SLC30A5: variants seen among roughly 807,000 people sequenced by gnomAD.
The protein encoded by SLC30A5 is solute carrier family 30 member 5, also known as proton-coupled zinc antiporter SLC30A5.
Under a neutral mutation model 79.6 loss-of-function variants are expected in SLC30A5, and 33 were observed. That is an observed-to-expected ratio of 0.41 (90% CI 0.31 to 0.55). The LOEUF (loss-of-function observed/expected upper bound fraction) is 0.55. Ranked by LOEUF, SLC30A5 falls within the 20% of genes least tolerant of loss-of-function variation. The pLI is 0.20. For synonymous variants in SLC30A5, 299 were observed against 319.7 expected, an observed-to-expected ratio of 0.94 and a Z score of 0.69; for missense variants, 788 against 928.1, an observed-to-expected ratio of 0.85 and a Z score of 1.96.
intron 1 of SLC30A5, among the ~76,000 whole-genome samples, chr5:69,095,169 A>G (rs1222603350): frequency 6.6e-6 from 1 of 151,262 alleles, no homozygotes; most frequent in Non-Finnish European, 1.5e-5. Context: ...AATTCTTTAG[A>G]ACTGTAGTAA....
chr5:69,126,671 G>A (rs1746698156), intron 14 of SLC30A5, among the ~76,000 whole-genome samples: 1 of 151,910 alleles, frequency 6.6e-6, no homozygotes, highest in African/African-American at 2.4e-5. Flanking sequence ...TCGGGAGGCT[G>A]AGGCAGAAGA....
At chr5:69,097,910 C>T (rs16898486) in intron 1 of SLC30A5, among the ~76,000 whole-genome samples, 1 of 151,880 alleles carries the variant, frequency 6.6e-6, no homozygotes, top group East Asian at 1.9e-4. Context: ...GCTAAGTAAC[C>T]TATATTGATA....
chr5:69,101,929 C>T (rs925440665), intron 2 of SLC30A5, among the ~76,000 whole-genome samples: 1 of 150,068 alleles, frequency 6.7e-6, no homozygotes, highest in Non-Finnish European at 1.5e-5. Context: ...TGCACTCCAG[C>T]CTGGGCAACA....
chr5:69,094,228 G>A lies in SLC30A5; in HGVS notation c.-28G>A, dbSNP rs1745649631. On this transcript the variant is annotated 5_prime_UTR_variant, in exon 1 of 16. Transcript: ENST00000396591. ...GACATGAGGAGACCCCGCGACAGGG[G>A]CAGCGGCGGCGGCTCGTGAGCCCCG... The A allele has an allele frequency of 8.7e-7, 1 of 1,146,846 alleles. No individual in the cohort carries two copies. Among genetic ancestry groups the A allele is most frequent in the Non-Finnish European group, 1.1e-6 (1 of 893,104 alleles). The allele number at this position is 1,146,846 out of a possible 1,614,324, so 71.0% of individuals were successfully genotyped here.
rs1351568851 is a variant in SLC30A5, at chr5:69,121,717, A to G, written c.1593A>G (p.Ile531Met). Residue 531 changes from isoleucine (I) to methionine (M), a missense_variant, in exon 13 of 16, where the codon ATA (isoleucine) becomes ATG (methionine). Ile to Met is a conservative substitution (Grantham distance 10). Around this residue, in one of 3 missense-constraint regions of SLC30A5, gnomAD observed 626 missense variants for 755.5 expected, o/e 0.83. Coordinates refer to ENST00000396591, the MANE Select transcript of SLC30A5 (RefSeq NM_022902.5). ...AGCCAGTCTCAGTTGGAGGGCTGAT[A>G]GTAAACCTTATTGGTATCTGTGCCT... ...MLTPVSVGGL[I>M]VNLIGICAFS... 2 of 1,613,278 alleles carry G rather than the reference A, an allele frequency of 1.2e-6. No individual in the cohort carries two copies. The highest frequency in any genetic ancestry group is 3.3e-5 in the Admixed American group (2 of 59,860).
intron 15 of SLC30A5, among the ~76,000 whole-genome samples, chr5:69,128,558 G>T (rs994035898): frequency 6.6e-6 from 1 of 151,922 alleles, no homozygotes; most frequent in Non-Finnish European, 1.5e-5. Context: ...ATCATGCCCG[G>T]CCTAATCTTC....
At position 69,094,249 on chromosome 5, in the gene SLC30A5, C is replaced by T; in HGVS notation, c.-7C>T. On this transcript the variant is annotated 5_prime_UTR_variant, in exon 1 of 16. Transcript: ENST00000396591. ...AGGGGCAGCGGCGGCGGCTCGTGAG[C>T]CCCGGGATGGAGGAGAAATACGGCG... is the stretch of plus-strand genomic sequence containing the variant. The T allele has an allele frequency of 1.6e-6, 2 of 1,236,506 alleles. No individual in the cohort carries two copies. The highest frequency in any genetic ancestry group is 1.6e-5 in the African/African-American group (1 of 64,162). The allele number at this position is 1,236,506 out of a possible 1,614,324, so 76.6% of individuals were successfully genotyped here. A position where few individuals can be genotyped will look rare whatever the true frequency, so the allele number is the denominator to read the frequency against.
At chr5:69,104,372 C>T in intron 3 of SLC30A5, 1 of 824,450 alleles carries the variant, frequency 1.2e-6, no homozygotes, top group Non-Finnish European at 1.6e-6. Flanking sequence ...GAACTCCTGA[C>T]CTCAGGTGAT....
chr5:69,129,097 T>G (rs1311613028), intron 15 of SLC30A5, among the ~76,000 whole-genome samples: 1 of 152,200 alleles, frequency 6.6e-6, no homozygotes, highest in Admixed American at 6.6e-5. Context: ...CCTGGGCCAC[T>G]GTGCCTGGCC....
rs563104710 is a variant in SLC30A5, at chr5:69,124,323, G to A, written c.1998+898G>A. Among the ~76,000 whole-genome samples the A allele has an allele frequency of 1.1e-4, 16 of 152,014 alleles. No homozygotes were observed. In the South Asian group the frequency reaches 1.2e-3, roughly 12 times the overall value. On this transcript the variant is annotated intron_variant, in intron 14 of 15. Coordinates refer to ENST00000396591, the MANE Select transcript of SLC30A5 (RefSeq NM_022902.5). Reference sequence around the variant, plus strand: ...TAAATGAAGAATTATGGTATGTAATGTAAAAGAAGAAATAAAAATAGGTTG... The same window carrying A: ...TAAATGAAGAATTATGGTATGTAATATAAAAGAAGAAATAAAAATAGGTTG...
In SLC30A5 at chr5:69,120,017, C is replaced by CAA. The variant is rs35168466; in HGVS notation, c.1569+1408_1569+1409dup. Among the ~76,000 whole-genome samples the CAA allele has an allele frequency of 6.9e-3, 439 of 63,964 alleles. 12 individuals carry two copies. The highest frequency in any genetic ancestry group is 0.017 in the African/African-American group (252 of 14,626). 42.0% of individuals were successfully genotyped at this position (63,964 alleles called of 152,430 possible). On this transcript the variant is annotated intron_variant, in intron 12 of 15. Coordinates refer to ENST00000396591, the MANE Select transcript of SLC30A5 (RefSeq NM_022902.5). ...CCTGGGTGATAGAGAGACTCTGCCT[C>CAA]AAAAAAAAAAAAAAAAAAAAGTAGT...
chr5:69,108,495 C>T, intron 5 of SLC30A5, 59 bp downstream of exon 5: 1 of 1,215,904 alleles, frequency 8.2e-7, no homozygotes. Flanking sequence ...ACATATTATC[C>T]AAAGGAATAA....
intron 14 of SLC30A5, among the ~76,000 whole-genome samples, chr5:69,126,889 A>C (rs1162626501): frequency 2.0e-5 from 3 of 151,504 alleles, no homozygotes; most frequent in Non-Finnish European, 4.4e-5. Context: ...AAAAAAAATC[A>C]CATAATTTTA....
At chr5:69,112,960 C>T (rs948081941) in intron 5 of SLC30A5, among the ~76,000 whole-genome samples, 180 bp from the exon 6 acceptor site, 36 of 152,260 alleles carry the variant, frequency 2.4e-4, no homozygotes, top group African/African-American at 8.2e-4. Flanking sequence ...TGATATCTTA[C>T]TGCCAATACT....
At position 69,131,061 on chromosome 5, in the gene SLC30A5, G is replaced by C. The variant is rs1746833625; in HGVS notation, c.*1444G>C. The C allele has an allele frequency of 6.6e-6, 1 of 151,930 alleles. No individual in the cohort carries two copies. 9.4% of individuals were successfully genotyped at this position (151,930 alleles called of 1,614,324 possible). On this transcript the variant is annotated 3_prime_UTR_variant, in exon 16 of 16. Transcript: ENST00000396591. ...CAATACATATTAAAATTTTTGAGTG[G>C]TGGGAAAATAATTGCATATTGATGT...
chr5:69,129,480 A>C lies in SLC30A5; in HGVS notation c.2161A>C (p.Asn721His). The C allele has an allele frequency of 6.2e-7, 1 of 1,613,070 alleles. No individual in the cohort carries two copies. The highest frequency in any genetic ancestry group is 2.2e-5 in the East Asian group (1 of 44,786). The change falls in exon 16 of 16, where the codon AAT (asparagine) becomes CAT (histidine). Residue 721 changes from asparagine (N) to histidine (H), a missense_variant. This residue lies in a region of SLC30A5 where 158 missense variants were observed against 156.2 expected (regional missense o/e 1.01). Transcript: ENST00000396591. ...TGILKDAGVN[N>H]LTIQVEKEAY... ...AATACTTAAAGATGCTGGAGTAAAC[A>C]ATTTAACAATTCAAGTGGAAAAGGA...
At chr5:69,114,619 C>A in intron 7 of SLC30A5, 123 bp downstream of exon 7, 1 of 681,008 alleles carries the variant, frequency 1.5e-6, no homozygotes, top group South Asian at 1.8e-5. Flanking sequence ...GAAATCCCAG[C>A]ACTTTGGGGG....
In SLC30A5 at chr5:69,121,784, A is replaced by AGCTGTCACTCATCTG; in HGVS notation, c.1661_1675dup (p.Ser558_Asp559insGlyCysHisSerSer). The stretch of plus-strand genomic sequence containing the variant: ...CCATGCCCATGGAGCTTCTCAAGGA[A>AGCTGTCACTCATCTG]GCTGTCACTCATCTGATCACAGCCA... On this transcript the variant is annotated inframe_insertion, in exon 13 of 16. Coordinates refer to ENST00000396591, the MANE Select transcript of SLC30A5 (RefSeq NM_022902.5). 6.2e-7 allele frequency: 1 copy of AGCTGTCACTCATCTG among 1,612,244 alleles called. No homozygotes were observed. The highest frequency in any genetic ancestry group is 8.5e-7 in the Non-Finnish European group (1 of 1,178,876).
chr5:69,125,788 ATGAACCTGGGAGGCGGAGCTTGCAGTGAG>A, intron 14 of SLC30A5, among the ~76,000 whole-genome samples: 1 of 65,632 alleles, frequency 1.5e-5, no homozygotes, highest in Non-Finnish European at 3.6e-5. Flanking sequence ...GCAGTGAGCC[ATGAACCTGGGAGGCGGAGCTTGCAGTGAG>A]CCGAGATCAC....
Sources: allele counts gnomAD v4.1 joint callset (sites outside exome capture counted in the v4.1 genomes callset), GRCh38; gene constraint gnomAD v4.1.1; regional missense constraint gnomAD v4.1.1; transcripts MANE v1.5; gene names NCBI Gene and HGNC (gene_info 2026-07-23, HGNC 2026-07-21).